Variants in ITGB3BP observed in about 807,000 individuals in gnomAD.
ITGB3BP encodes the protein centromere protein R.
In ITGB3BP, 27 loss-of-function variants were observed where a neutral mutation model predicts 29.1. That is an observed-to-expected ratio of 0.93 (90% CI 0.68 to 1.28). The LOEUF (loss-of-function observed/expected upper bound fraction) is 1.28. Among genes scored for constraint, ITGB3BP ranks in the 50% most tolerant of loss-of-function variants. ITGB3BP has a pLI of 0.00. For synonymous variants in ITGB3BP, 61 were observed against 61.4 expected (o/e 0.99, Z 0.03); for missense variants, 192 against 200.2 (o/e 0.96, Z 0.25).
intron 2 of ITGB3BP, among the ~76,000 whole-genome samples, chr1:63,502,141 C>T (rs1645947020): frequency 6.6e-6 from 1 of 152,142 alleles, no homozygotes; most frequent in East Asian, 1.9e-4. Context: ...CCATCGGCAA[C>T]AGTTTGTAAT....
upstream of ITGB3BP, chr1:63,525,537 A>G (rs775096790): frequency 7.0e-7 from 1 of 1,422,130 alleles, no homozygotes; most frequent in Non-Finnish European, 9.2e-7. Flanking sequence ...AGTGACTCAC[A>G]TTGACAAACA....
chr1:63,469,610 C>A (rs1645161137), intron 4 of ITGB3BP, among the ~76,000 whole-genome samples: 1 of 152,036 alleles, frequency 6.6e-6, no homozygotes. Context: ...ACAGGCGTGA[C>A]CCACCATGCC....
chr1:63,490,619 T>C lies in ITGB3BP; in HGVS notation c.49-401A>G, dbSNP rs867490500. ...ATTACTAAGCCTCACACAGAAACCT[T>C]AGGAAGGATCACTGCTGTCCTACAG... On this transcript the variant is annotated intron_variant, in intron 2 of 8. Transcript: ENST00000271002. Among the ~76,000 whole-genome samples the C allele has an allele frequency of 1.4e-4, 21 of 152,200 alleles. No homozygotes were observed. The Middle Eastern group carries it at 0.017, about 123-fold the overall frequency.
intron 4 of ITGB3BP, among the ~76,000 whole-genome samples, chr1:63,471,396 C>T (rs10789140): frequency 0.73 from 111,101 of 151,318 alleles, 42,842 homozygotes; most frequent in Non-Finnish European, 0.85. Context: ...GGACTACAGG[C>T]GCCCGCCACC....
chr1:63,455,112 C>T (rs1387545911), intron 4 of ITGB3BP, 144 bp from the exon 5 acceptor site: 12 of 527,922 alleles, frequency 2.3e-5, no homozygotes, highest in Non-Finnish European at 3.4e-5. Context: ...ATCAACTGTC[C>T]CCTCTTTTGG....
At chr1:63,497,951 C>A (rs1645831276) in intron 2 of ITGB3BP, among the ~76,000 whole-genome samples, 1 of 151,216 alleles carries the variant, frequency 6.6e-6, no homozygotes, top group African/African-American at 2.4e-5. Flanking sequence ...CAAGAAAATA[C>A]AATGAATAAA....
chr1:63,472,981 G>T (rs1431632896), intron 4 of ITGB3BP, among the ~76,000 whole-genome samples: 1 of 151,148 alleles, frequency 6.6e-6, no homozygotes, highest in Non-Finnish European at 1.5e-5. Flanking sequence ...GCCCAGTCTG[G>T]AAAGTGAGGA....
At position 63,470,415 on chromosome 1, in the gene ITGB3BP, C is replaced by T. The variant is rs534187923; in HGVS notation, c.254+8349G>A. ...TCAATTGCAGTTAGTACCCAGATCACGAAAGAGAACACTGACAACATCCCA... is the reference window on the plus strand; with the variant it reads ...TCAATTGCAGTTAGTACCCAGATCATGAAAGAGAACACTGACAACATCCCA... On this transcript the variant is annotated intron_variant, in intron 4 of 8. Transcript: ENST00000271002. Among the ~76,000 whole-genome samples, 16 of 152,270 alleles carry T rather than the reference C, an allele frequency of 1.1e-4. 1 individual carries two copies. The highest frequency in any genetic ancestry group is 7.7e-4 in the East Asian group (4 of 5,176).
intron 3 of ITGB3BP, among the ~76,000 whole-genome samples, chr1:63,485,572 A>G (rs11808230): frequency 0.018 from 2,747 of 151,972 alleles, 78 homozygotes; most frequent in African/African-American, 0.063. Context: ...TCACTTTTTC[A>G]TCATTGCTTT....
At chr1:63,477,119 C>G (rs1645353447) in intron 4 of ITGB3BP, among the ~76,000 whole-genome samples, 1 of 152,146 alleles carries the variant, frequency 6.6e-6, no homozygotes, top group Non-Finnish European at 1.5e-5. Context: ...TAAAAGCAAA[C>G]AGAGGACAGA....
chr1:63,523,972 C>G (rs541654794), upstream of ITGB3BP, among the ~76,000 whole-genome samples: 10 of 152,162 alleles, frequency 6.6e-5, no homozygotes, highest in African/African-American at 1.4e-4. Flanking sequence ...CTGCAATGTA[C>G]TCTCTAGGCC....
At chr1:63,499,945 C>T (rs1645883686) in intron 2 of ITGB3BP, among the ~76,000 whole-genome samples, 1 of 152,172 alleles carries the variant, frequency 6.6e-6, no homozygotes, top group Non-Finnish European at 1.5e-5. Context: ...AGAATGTCTG[C>T]TCTTGCCACT....
intron 1 of ITGB3BP, among the ~76,000 whole-genome samples, 176 bp from the exon 2 acceptor site, chr1:63,508,746 T>TC (rs1381207016): frequency 6.6e-6 from 1 of 152,120 alleles, no homozygotes; most frequent in Admixed American, 6.6e-5. Context: ...ACAGGTTTGA[T>TC]TCTAATTGCA....
chr1:63,488,082 T>A (rs559362876), intron 3 of ITGB3BP, among the ~76,000 whole-genome samples: 3 of 152,112 alleles, frequency 2.0e-5, no homozygotes, highest in African/African-American at 4.8e-5. Context: ...AAGGAAGACA[T>A]AGAACTAAAT....
At chr1:63,461,211 G>A (rs575680151) in intron 4 of ITGB3BP, among the ~76,000 whole-genome samples, 90 of 134,416 alleles carry the variant, frequency 6.7e-4, no homozygotes, top group African/African-American at 1.7e-3. Flanking sequence ...CCAAGATTGC[G>A]CCACTGCACT....
At chr1:63,447,706 T>C (rs1419851852) in intron 7 of ITGB3BP, 5 of 453,584 alleles carry the variant, frequency 1.1e-5, no homozygotes, top group Admixed American at 7.1e-5. Context: ...TGTGGAGAAA[T>C]AGGAACACTT....
chr1:63,465,415 G>A (rs1192921192), intron 4 of ITGB3BP, among the ~76,000 whole-genome samples: 4 of 151,792 alleles, frequency 2.6e-5, no homozygotes, highest in South Asian at 2.1e-4. Flanking sequence ...TATTTTACCC[G>A]TGGGATTTTT....
chr1:63,484,160 C>T (rs1645486404), intron 3 of ITGB3BP, among the ~76,000 whole-genome samples: 1 of 152,112 alleles, frequency 6.6e-6, no homozygotes, highest in Non-Finnish European at 1.5e-5. Flanking sequence ...TTTTCCTTGT[C>T]ATAATTCCCT....
At chr1:63,484,269 T>C (rs1645488426) in intron 3 of ITGB3BP, among the ~76,000 whole-genome samples, 5 of 152,048 alleles carry the variant, frequency 3.3e-5, no homozygotes, top group Admixed American at 3.3e-4. Flanking sequence ...GGTGTATTGG[T>C]TATATGCAAA....
Sources: allele counts gnomAD v4.1 joint callset (sites outside exome capture counted in the v4.1 genomes callset), GRCh38; gene constraint gnomAD v4.1.1; transcripts MANE v1.5; gene names NCBI Gene and HGNC (gene_info 2026-07-23, HGNC 2026-07-21).